Variants in SORCS2 observed in about 807,000 individuals in gnomAD.
SORCS2 encodes sortilin related VPS10 domain containing receptor 2, also known as VPS10 domain-containing receptor SorCS2.
In SORCS2, 100 loss-of-function variants were observed where a neutral mutation model predicts 141.6. That is an observed-to-expected ratio of 0.71 (90% CI 0.60 to 0.83). The LOEUF is 0.83. Ranked by LOEUF, SORCS2 falls within the 40% of genes least tolerant of loss-of-function variation. SORCS2 has a pLI of 0.00. For synonymous variants in SORCS2, 789 were observed against 676.9 expected (o/e 1.17, Z -2.57); for missense variants, 1,646 against 1,560.2 (o/e 1.05, Z -0.93).
chr4:7,590,687 A>G (rs1329718084), intron 3 of SORCS2, among the ~76,000 whole-genome samples: 1 of 152,204 alleles, frequency 6.6e-6, no homozygotes, highest in Non-Finnish European at 1.5e-5. Flanking sequence ...GGCTGGGCCC[A>G]CCCATGGTCC....
At chr4:7,699,946 G>A (rs1724954504) in intron 12 of SORCS2, among the ~76,000 whole-genome samples, 2 of 152,160 alleles carry the variant, frequency 1.3e-5, no homozygotes, top group African/African-American at 4.8e-5. Flanking sequence ...AGCATCCGAG[G>A]AATCTTCTGA....
intron 2 of SORCS2, among the ~76,000 whole-genome samples, chr4:7,451,160 A>T (rs1728436510): frequency 6.6e-6 from 1 of 152,230 alleles, no homozygotes; most frequent in Admixed American, 6.5e-5. Flanking sequence ...GAGTGAGTGA[A>T]TCAGCAAGCA....
At chr4:7,716,398 C>G (rs1293540762) in intron 17 of SORCS2, among the ~76,000 whole-genome samples, 1 of 152,200 alleles carries the variant, frequency 6.6e-6, no homozygotes, top group Non-Finnish European at 1.5e-5. Flanking sequence ...ATCATCTGTT[C>G]ATTTCTCCAT....
intron 9 of SORCS2, among the ~76,000 whole-genome samples, chr4:7,676,762 C>T (rs1723151882): frequency 7.0e-6 from 1 of 143,836 alleles, no homozygotes; most frequent in Non-Finnish European, 1.5e-5. Context: ...CCTGTCATCT[C>T]CTCCTTCCTC....
chr4:7,673,116 G>A (rs1334248628), intron 8 of SORCS2, among the ~76,000 whole-genome samples: 3 of 152,168 alleles, frequency 2.0e-5, no homozygotes, highest in Non-Finnish European at 4.4e-5. Flanking sequence ...AACATGAAGC[G>A]AAAATTGCCT....
intron 26 of SORCS2, among the ~76,000 whole-genome samples, chr4:7,738,471 C>T (rs1333449857): frequency 1.3e-5 from 2 of 152,220 alleles, no homozygotes; most frequent in Admixed American, 6.5e-5. Context: ...AGGGACCCGG[C>T]GTCTCCCCTA....
intron 2 of SORCS2, among the ~76,000 whole-genome samples, chr4:7,398,247 C>T (rs760262563): frequency 1.3e-5 from 2 of 152,186 alleles, no homozygotes; most frequent in Non-Finnish European, 2.9e-5. Context: ...TCCTCAGAAG[C>T]AGGTGGCAGC....
At chr4:7,531,712 C>A in intron 3 of SORCS2, 83 bp downstream of exon 3, 1 of 1,368,260 alleles carries the variant, frequency 7.3e-7, no homozygotes, top group Non-Finnish European at 1.0e-6. Context: ...TGCTGCCCTG[C>A]CCTGCTGTCT....
chr4:7,394,726 C>G (rs927184630), intron 1 of SORCS2, among the ~76,000 whole-genome samples: 12 of 152,026 alleles, frequency 7.9e-5, no homozygotes, highest in African/African-American at 2.9e-4. Flanking sequence ...GTGAAGCCAG[C>G]CTCACAGCAG....
chr4:7,503,985 T>G (rs1489973800), intron 2 of SORCS2, among the ~76,000 whole-genome samples: 1 of 152,122 alleles, frequency 6.6e-6, no homozygotes, highest in Non-Finnish European at 1.5e-5. Flanking sequence ...GGTAACCTGC[T>G]CCCCTGCTAC....
chr4:7,369,145 A>G (rs1722092168), intron 1 of SORCS2, among the ~76,000 whole-genome samples: 1 of 152,028 alleles, frequency 6.6e-6, no homozygotes. Context: ...TGTCTCCACT[A>G]AAAAATACAA....
chr4:7,727,738 C>A (rs77588516), intron 21 of SORCS2, among the ~76,000 whole-genome samples: 3 of 152,168 alleles, frequency 2.0e-5, no homozygotes, highest in Non-Finnish European at 4.4e-5. Context: ...TGCACAGCCT[C>A]CTCCCACTTT....
chr4:7,483,794 G>C (rs1328842191), intron 2 of SORCS2, among the ~76,000 whole-genome samples: 9 of 152,094 alleles, frequency 5.9e-5, no homozygotes, highest in African/African-American at 2.2e-4. Flanking sequence ...AATACCTAAT[G>C]AATGCAGGGC....
chr4:7,600,353 C>T (rs1303554404), intron 3 of SORCS2, among the ~76,000 whole-genome samples: 5 of 152,152 alleles, frequency 3.3e-5, no homozygotes, highest in African/African-American at 9.7e-5. Context: ...ACCCCCACAG[C>T]GTGGAGGCTT....
At chr4:7,623,640 C>T (rs971352362) in intron 3 of SORCS2, among the ~76,000 whole-genome samples, 15 of 152,314 alleles carry the variant, frequency 9.8e-5, no homozygotes, top group African/African-American at 2.2e-4. Context: ...CATCCCACGG[C>T]GTCCTCGTTC....
chr4:7,308,499 T>C (rs1429538428), intron 1 of SORCS2, among the ~76,000 whole-genome samples: 1 of 152,180 alleles, frequency 6.6e-6, no homozygotes, highest in Non-Finnish European at 1.5e-5. Context: ...ACCCATCCCC[T>C]TCCTGGGTTT....
chr4:7,531,955 C>T lies in SORCS2; in HGVS notation c.648+326C>T, dbSNP rs114227888. Among the ~76,000 whole-genome samples, 1,117 of 152,366 alleles carry T rather than the reference C, an allele frequency of 7.3e-3. 8 individuals are homozygous for T. Among genetic ancestry groups the T allele is most frequent in the African/African-American group, 0.026 (1,070 of 41,584 alleles). On this transcript the variant is annotated intron_variant, in intron 3 of 26. Coordinates refer to ENST00000507866, the MANE Select transcript of SORCS2 (RefSeq NM_020777.3). Reference sequence around the variant, plus strand: ...GGCCTGGAAGCAGAGACAGCAGCAGCTCTCTTGGGCTGGGAGCCCTCGGAA... The same window carrying T: ...GGCCTGGAAGCAGAGACAGCAGCAGTTCTCTTGGGCTGGGAGCCCTCGGAA...
At chr4:7,655,743 G>A (rs150243782) in intron 5 of SORCS2, among the ~76,000 whole-genome samples, 330 of 152,344 alleles carry the variant, frequency 2.2e-3, no homozygotes, top group South Asian at 4.6e-3. Flanking sequence ...CCCTGCCTGG[G>A]CCTGAGCGCT....
chr4:7,726,148 C>A (rs1727204934), intron 20 of SORCS2, among the ~76,000 whole-genome samples: 1 of 152,230 alleles, frequency 6.6e-6, no homozygotes, highest in South Asian at 2.1e-4. Context: ...TGGCTTGGTG[C>A]CATGGATGAC....
Sources: allele counts gnomAD v4.1 joint callset (sites outside exome capture counted in the v4.1 genomes callset), GRCh38; gene constraint gnomAD v4.1.1; transcripts MANE v1.5; gene names NCBI Gene and HGNC (gene_info 2026-07-23, HGNC 2026-07-21).